CDH11: variants seen among roughly 807,000 people sequenced by gnomAD.
CDH11 encodes cadherin 11.
In CDH11, 11 loss-of-function variants were observed where a neutral mutation model predicts 67.8. The observed-to-expected ratio is 0.16, with a 90% CI of 0.10 to 0.27. CDH11 has a LOEUF of 0.27. Among genes scored for constraint, CDH11 ranks in the 10% least tolerant of loss-of-function variants. The pLI, the probability that CDH11 is intolerant of heterozygous loss-of-function variation, is 1.00. For synonymous variants in CDH11, 419 were observed against 400.0 expected (o/e 1.05, Z -0.57); for missense variants, 847 against 1,031.2 (o/e 0.82, Z 2.45).
intron 1 of CDH11, among the ~76,000 whole-genome samples, chr16:65,056,013 G>C (rs1379500977): frequency 6.6e-6 from 1 of 152,232 alleles, no homozygotes; most frequent in Admixed American, 6.5e-5. Flanking sequence ...CCATGAAGAA[G>C]ATCCTCACCC....
At chr16:65,073,869 C>T (rs2074461756) in intron 1 of CDH11, among the ~76,000 whole-genome samples, 1 of 152,176 alleles carries the variant, frequency 6.6e-6, no homozygotes, top group Admixed American at 6.5e-5. Flanking sequence ...GGTCCACAGA[C>T]AGCATCAGGA....
In CDH11 at chr16:65,110,899, A is replaced by G. The variant is rs115298900; in HGVS notation, c.-298+10981T>C. On this transcript the variant is annotated intron_variant, in intron 1 of 12. Coordinates refer to ENST00000268603, the MANE Select transcript of CDH11 (RefSeq NM_001797.4). ...TGAACAAGCAAACAAAATGCCAAGCATGAGCTAAATGGAATGAGTAACACA... is the reference window on the plus strand; with the variant it reads ...TGAACAAGCAAACAAAATGCCAAGCGTGAGCTAAATGGAATGAGTAACACA... 4.5e-3 allele frequency among the ~76,000 whole-genome samples: 684 copies of G among 152,276 alleles called. 4 individuals carry two copies. Among genetic ancestry groups the G allele is most frequent in the African/African-American group, 0.015 (644 of 41,554 alleles).
At chr16:65,089,723 T>C (rs979984492) in intron 1 of CDH11, among the ~76,000 whole-genome samples, 2 of 152,170 alleles carry the variant, frequency 1.3e-5, no homozygotes, top group Admixed American at 6.5e-5. Flanking sequence ...ATATTAGAAG[T>C]GGGTAGCACT....
intron 1 of CDH11, among the ~76,000 whole-genome samples, chr16:65,107,289 T>C (rs1251216612): frequency 1.3e-5 from 2 of 152,238 alleles, no homozygotes; most frequent in Non-Finnish European, 1.5e-5. Context: ...TATAAATGGA[T>C]AATTATAGCT....
intron 1 of CDH11, among the ~76,000 whole-genome samples, chr16:65,088,095 A>T (rs987491183): frequency 6.6e-6 from 1 of 152,126 alleles, no homozygotes. Context: ...GAGGGCTCCA[A>T]GCTCGGGAAT....
intron 1 of CDH11, among the ~76,000 whole-genome samples, chr16:65,117,804 G>A (rs1340868612): frequency 6.6e-6 from 1 of 152,046 alleles, no homozygotes; most frequent in African/African-American, 2.4e-5. Flanking sequence ...CAGAAATGAT[G>A]CTCTTTTTGC....
At chr16:65,052,185 T>C (rs2074066918) in intron 2 of CDH11, among the ~76,000 whole-genome samples, 1 of 152,142 alleles carries the variant, frequency 6.6e-6, no homozygotes. Context: ...GCTTAGTAAG[T>C]ACTTACTAAG....
chr16:65,050,651 T>C (rs2074039312), intron 2 of CDH11, among the ~76,000 whole-genome samples: 1 of 152,210 alleles, frequency 6.6e-6, no homozygotes, highest in Non-Finnish European at 1.5e-5. Flanking sequence ...ATCAAAGGAT[T>C]GTTCCATCTG....
chr16:65,116,909 A>G (rs2075254627), intron 1 of CDH11, among the ~76,000 whole-genome samples: 1 of 152,134 alleles, frequency 6.6e-6, no homozygotes, highest in Admixed American at 6.5e-5. Flanking sequence ...AGATTTTCTG[A>G]TTGAGCAGAA....
intron 7 of CDH11, chr16:64,982,988 T>A (rs2072393291): frequency 1.3e-5 from 2 of 152,230 alleles, no homozygotes; most frequent in Non-Finnish European, 2.9e-5. Flanking sequence ...CTGCTCTGCT[T>A]CACAATCTCT....
intron 1 of CDH11, among the ~76,000 whole-genome samples, chr16:65,087,533 G>A (rs2074721336): frequency 6.6e-6 from 1 of 152,094 alleles, no homozygotes; most frequent in Admixed American, 6.5e-5. Context: ...TATCAGAGTT[G>A]ATAAAAATAA....
At chr16:64,993,207 T>TTCCTTCCTTCCTTCCC in intron 4 of CDH11, among the ~76,000 whole-genome samples, 173 bp from the exon 5 acceptor site, 1 of 151,590 alleles carries the variant, frequency 6.6e-6, no homozygotes, top group Non-Finnish European at 1.5e-5. Flanking sequence ...CCTTCCTTCC[T>TTCCTTCCTTCCTTCCC]TCCTTCCTTC....
At chr16:65,004,456 G>T (rs955657281) in intron 3 of CDH11, among the ~76,000 whole-genome samples, 186 bp downstream of exon 3, 18 of 152,164 alleles carry the variant, frequency 1.2e-4, no homozygotes, top group African/African-American at 4.3e-4. Context: ...ACATGGATAA[G>T]TCTATTATTT....
chr16:64,971,642 A>T lies in CDH11; in HGVS notation c.1579T>A (p.Phe527Ile), dbSNP rs781683134. ...ATTTCAGGGGGTAGGCTGAAGATAA[A>T]TCTTGGTCCATTGGCCGTGTCATCC... Reference protein sequence around the residue: ...DKDDTANGPRFIFSLPPEIIH... With the variant: ...DKDDTANGPRIIFSLPPEIIH... The change falls in exon 11 of 13, where the codon TTT becomes ATT. Residue 527 changes from phenylalanine (F) to isoleucine (I), a missense_variant. Coordinates refer to ENST00000268603, the MANE Select transcript of CDH11 (RefSeq NM_001797.4). The T allele has an allele frequency of 6.2e-7, 1 of 1,613,724 alleles. No homozygotes were observed. The highest frequency in any genetic ancestry group is 8.5e-7 in the Non-Finnish European group (1 of 1,179,828).
intron 12 of CDH11, 21 bp from the exon 13 acceptor site, chr16:64,948,120 G>A (rs2142364027): frequency 6.2e-7 from 1 of 1,600,834 alleles, no homozygotes; most frequent in Non-Finnish European, 8.5e-7. Flanking sequence ...AGAAAAAGAA[G>A]GTAAGCATTC....
chr16:65,058,860 C>T (rs543936049), intron 1 of CDH11, among the ~76,000 whole-genome samples: 4 of 152,184 alleles, frequency 2.6e-5, no homozygotes, highest in Middle Eastern at 3.4e-3. Flanking sequence ...AGGATAATCA[C>T]AATACATGGA....
chr16:64,973,300 C>A (rs2072064141), intron 8 of CDH11, among the ~76,000 whole-genome samples: 2 of 152,132 alleles, frequency 1.3e-5, no homozygotes, highest in African/African-American at 4.8e-5. Flanking sequence ...TAATGTGGTG[C>A]ATATTTCTCC....
chr16:65,058,322 T>C (rs73581618), intron 1 of CDH11, among the ~76,000 whole-genome samples: 19,220 of 152,226 alleles, frequency 0.13, 1,800 homozygotes, highest in East Asian at 0.39. Flanking sequence ...TAATTAAATG[T>C]TTACATGTTA....
At chr16:64,984,138 G>A (rs1371626931) in intron 7 of CDH11, among the ~76,000 whole-genome samples, 1 of 152,158 alleles carries the variant, frequency 6.6e-6, no homozygotes, top group Non-Finnish European at 1.5e-5. Context: ...AAGCCTCATT[G>A]CCTTGTGAAG....
Sources: allele counts gnomAD v4.1 joint callset (sites outside exome capture counted in the v4.1 genomes callset), GRCh38; gene constraint gnomAD v4.1.1; transcripts MANE v1.5; gene names NCBI Gene and HGNC (gene_info 2026-07-23, HGNC 2026-07-21).